ATP8A2: variants seen among roughly 807,000 people sequenced by gnomAD.
ATP8A2 encodes the protein phospholipid-transporting ATPase IB.
A neutral mutation model predicts 165.6 loss-of-function variants in ATP8A2; 100 were observed. The observed-to-expected ratio is 0.60, with a 90% CI of 0.51 to 0.71. The LOEUF (loss-of-function observed/expected upper bound fraction) is 0.71. Among genes scored for constraint, ATP8A2 ranks in the 30% least tolerant of loss-of-function variants. ATP8A2 has a pLI of 0.00. For missense variants in ATP8A2, 1,227 were observed against 1,479.5 expected (o/e 0.83, Z 2.80); for synonymous variants, 543 against 548.8 (o/e 0.99, Z 0.15).
At chr13:25,808,365 G>A (rs570998711) in intron 27 of ATP8A2, among the ~76,000 whole-genome samples, 52 of 152,042 alleles carry the variant, frequency 3.4e-4, no homozygotes, top group African/African-American at 1.2e-3. Context: ...TTGGGAGGCC[G>A]AGGAAGGCAG....
chr13:25,938,249 T>C (rs192740997), intron 33 of ATP8A2, among the ~76,000 whole-genome samples: 129 of 150,516 alleles, frequency 8.6e-4, no homozygotes, highest in African/African-American at 3.0e-3. Flanking sequence ...AGGTTAAACA[T>C]AGAAAATACA....
At chr13:25,897,655 G>A (rs1004869530) in intron 33 of ATP8A2, among the ~76,000 whole-genome samples, 8 of 152,148 alleles carry the variant, frequency 5.3e-5, no homozygotes, top group African/African-American at 1.2e-4. Context: ...CATTCTCCCC[G>A]TCACTTTCAG....
intron 24 of ATP8A2, among the ~76,000 whole-genome samples, chr13:25,678,182 A>G (rs970501151): frequency 2.6e-5 from 4 of 152,118 alleles, no homozygotes; most frequent in Non-Finnish European, 5.9e-5. Flanking sequence ...TTGATGATTA[A>G]TGGATTCTGT....
chr13:25,402,809 A>T (rs1314998392), intron 1 of ATP8A2, among the ~76,000 whole-genome samples: 1 of 152,186 alleles, frequency 6.6e-6, no homozygotes, highest in Non-Finnish European at 1.5e-5. Context: ...GGCTGCTATA[A>T]TGAAATACCT....
chr13:25,730,811 C>T (rs2043604324), intron 25 of ATP8A2, among the ~76,000 whole-genome samples: 1 of 151,924 alleles, frequency 6.6e-6, no homozygotes. Context: ...ATGAGTGGCT[C>T]ACACCTGTAA....
chr13:25,502,461 C>CT (rs1177652484), intron 2 of ATP8A2, among the ~76,000 whole-genome samples: 3 of 152,144 alleles, frequency 2.0e-5, no homozygotes, highest in Non-Finnish European at 4.4e-5. Flanking sequence ...GAGGGTGTCC[C>CT]TTATTGTCAT....
intron 26 of ATP8A2, among the ~76,000 whole-genome samples, chr13:25,772,917 G>A (rs377673922): frequency 1.3e-5 from 2 of 151,812 alleles, no homozygotes; most frequent in African/African-American, 4.8e-5. Context: ...CCAACACCAC[G>A]TCTGACTACT....
At chr13:25,409,543 C>T (rs2033905625) in intron 1 of ATP8A2, among the ~76,000 whole-genome samples, 1 of 152,126 alleles carries the variant, frequency 6.6e-6, no homozygotes, top group Admixed American at 6.6e-5. Flanking sequence ...TCATCATGAG[C>T]TTCAGACAGA....
At chr13:25,904,362 G>A (rs1160498211) in intron 33 of ATP8A2, among the ~76,000 whole-genome samples, 6 of 152,178 alleles carry the variant, frequency 3.9e-5, no homozygotes, top group African/African-American at 9.7e-5. Context: ...TTCCTAAACC[G>A]TGGACATCAT....
chr13:25,971,911 G>A (rs2139219714), intron 35 of ATP8A2, among the ~76,000 whole-genome samples: 1 of 152,106 alleles, frequency 6.6e-6, no homozygotes, highest in East Asian at 1.9e-4. Context: ...GCCAAGCCAG[G>A]GCACCCCCAG....
At chr13:25,872,258 G>A (rs1046625485) in intron 33 of ATP8A2, among the ~76,000 whole-genome samples, 1 of 152,060 alleles carries the variant, frequency 6.6e-6, no homozygotes, top group Non-Finnish European at 1.5e-5. Context: ...CTAATTGGGG[G>A]ATGGAGCTCT....
rs2032456029 is a variant in ATP8A2, at chr13:25,372,641, C to A, written c.76+353C>A. 6.6e-6 allele frequency among the ~76,000 whole-genome samples: 1 copy of A among 152,202 alleles called. No homozygotes were observed. Among genetic ancestry groups the A allele is most frequent in the South Asian group, 2.1e-4 (1 of 4,838 alleles). On this transcript the variant is annotated intron_variant, in intron 1 of 36. Transcript: ENST00000381655. The surrounding 1 kb of genome is among the most constrained non-coding windows in gnomAD (Gnocchi z 4.8). ...AGGGATGCGACCTAGGCGGCAGTCA[C>A]CGCGATGGTGGGCACGGTTTGGCGG...
chr13:25,386,258 G>C (rs866662743), intron 1 of ATP8A2, among the ~76,000 whole-genome samples: 14 of 152,220 alleles, frequency 9.2e-5, no homozygotes, highest in Middle Eastern at 3.4e-3. Context: ...TGCTCACATC[G>C]GTGAGTGCAT....
intron 24 of ATP8A2, among the ~76,000 whole-genome samples, chr13:25,601,854 A>G (rs2040396775): frequency 6.6e-6 from 1 of 152,218 alleles, no homozygotes; most frequent in African/African-American, 2.4e-5. Context: ...CAGCCTCTCC[A>G]GTAACAAAAG....
In ATP8A2 at chr13:25,411,691, G is replaced by A. The variant is rs116603222; in HGVS notation, c.76+39403G>A. The stretch of plus-strand genomic sequence containing the variant: ...TATGTTAAAAAGTGCATGTTTATTT[G>A]TGTACACATACATACACATACATAT... On this transcript the variant is annotated intron_variant, in intron 1 of 36. Transcript: ENST00000381655. 3.2e-3 allele frequency among the ~76,000 whole-genome samples: 491 copies of A among 152,112 alleles called. 6 individuals are homozygous for A. Among genetic ancestry groups the A allele is most frequent in the African/African-American group, 0.011 (461 of 41,490 alleles).
chr13:25,491,146 T>C, intron 2 of ATP8A2, among the ~76,000 whole-genome samples: 1 of 151,956 alleles, frequency 6.6e-6, no homozygotes, highest in East Asian at 1.9e-4. Context: ...TACTTTTTCT[T>C]TTTTTTTGAA....
At chr13:25,407,211 A>C (rs569004592) in intron 1 of ATP8A2, among the ~76,000 whole-genome samples, 1 of 152,330 alleles carries the variant, frequency 6.6e-6, no homozygotes, top group Non-Finnish European at 1.5e-5. Flanking sequence ...CAAGGCCTGC[A>C]AGCCAAGGAG....
At chr13:25,384,144 T>C (rs2032954802) in intron 1 of ATP8A2, among the ~76,000 whole-genome samples, 2 of 152,246 alleles carry the variant, frequency 1.3e-5, no homozygotes. Flanking sequence ...CCCTGCTTTA[T>C]TATCTTACTC....
chr13:25,610,976 G>A (rs949612693), intron 24 of ATP8A2, among the ~76,000 whole-genome samples: 1 of 144,472 alleles, frequency 6.9e-6, no homozygotes, highest in Non-Finnish European at 1.5e-5. Flanking sequence ...AAGAACTACT[G>A]ATTTCTGTAC....
Sources: gnomAD v4.1 joint callset for allele counts (sites outside exome capture counted in the v4.1 genomes callset) on GRCh38, gnomAD v4.1.1 for gene constraint, Gnocchi (gnomAD v3.1) non-coding constraint, MANE v1.5 for transcripts, NCBI Gene and HGNC (gene_info 2026-07-23, HGNC 2026-07-21) for gene names.